SPOCK1: variants seen among roughly 807,000 people sequenced by gnomAD.
SPOCK1 encodes the protein SPARC (osteonectin), cwcv and kazal like domains proteoglycan 1, also known as testican-1.
SPOCK1 carries 23 observed loss-of-function variants against 55.3 expected under a neutral mutation model. The observed-to-expected ratio is 0.42, with a 90% confidence interval of 0.30 to 0.59. The LOEUF (loss-of-function observed/expected upper bound fraction) is 0.59. Ranked by LOEUF, SPOCK1 falls within the 20% of genes least tolerant of loss-of-function variation. SPOCK1 has a pLI of 0.22. For missense variants in SPOCK1, 499 were observed against 552.5 expected (o/e 0.90, Z 0.97); for synonymous variants, 226 against 221.0 (o/e 1.02, Z -0.20).
chr5:137,207,240 C>A (rs1167902028), intron 3 of SPOCK1, among the ~76,000 whole-genome samples: 2 of 152,224 alleles, frequency 1.3e-5, no homozygotes, highest in African/African-American at 4.8e-5. Context: ...GCCAAGGTCA[C>A]TGACAACCCC....
chr5:137,093,542 A>T (rs1309036057), intron 5 of SPOCK1, among the ~76,000 whole-genome samples: 1 of 152,214 alleles, frequency 6.6e-6, no homozygotes, highest in Non-Finnish European at 1.5e-5. Flanking sequence ...GTGAAATAAG[A>T]GATTTCAGAT....
chr5:137,223,309 A>G (rs1561476440), intron 3 of SPOCK1, among the ~76,000 whole-genome samples: 2 of 73,690 alleles, frequency 2.7e-5, no homozygotes, highest in African/African-American at 7.3e-5. Flanking sequence ...CTATAACATG[A>G]AAAAAAAAAA....
chr5:137,299,341 C>T (rs764370399), intron 2 of SPOCK1, among the ~76,000 whole-genome samples: 7 of 151,934 alleles, frequency 4.6e-5, no homozygotes, highest in South Asian at 2.1e-4. Flanking sequence ...TGGGTTTATA[C>T]GCTATACCCC....
intron 2 of SPOCK1, among the ~76,000 whole-genome samples, chr5:137,497,615 T>G (rs1271734364): frequency 6.6e-6 from 1 of 151,896 alleles, no homozygotes; most frequent in Non-Finnish European, 1.5e-5. Context: ...ACCTGGGGAG[T>G]GGCAGCCAGC....
chr5:137,354,123 T>A (rs1750739842), intron 2 of SPOCK1, among the ~76,000 whole-genome samples: 1 of 152,082 alleles, frequency 6.6e-6, no homozygotes, highest in South Asian at 2.1e-4. Context: ...ACTACCGCTA[T>A]CCCCACACTC....
chr5:137,246,646 A>G (rs1403165855), intron 3 of SPOCK1, among the ~76,000 whole-genome samples: 1 of 152,164 alleles, frequency 6.6e-6, no homozygotes, highest in Non-Finnish European at 1.5e-5. Flanking sequence ...TGACAGGGGT[A>G]AGGACAGTGT....
intron 3 of SPOCK1, among the ~76,000 whole-genome samples, chr5:137,208,391 C>T (rs1755554449): frequency 6.6e-6 from 1 of 152,266 alleles, no homozygotes; most frequent in Non-Finnish European, 1.5e-5. Context: ...GGCCACACAA[C>T]TCATAGATGG....
intron 2 of SPOCK1, among the ~76,000 whole-genome samples, chr5:137,315,949 C>A (rs149127595): frequency 6.6e-6 from 1 of 152,176 alleles, no homozygotes; most frequent in Admixed American, 6.5e-5. Context: ...GCCAAGGCCA[C>A]TGGAAAGCAG....
chr5:136,983,794 A>G (rs1750783752), intron 9 of SPOCK1, among the ~76,000 whole-genome samples: 1 of 151,926 alleles, frequency 6.6e-6, no homozygotes, highest in South Asian at 2.1e-4. Context: ...TTTCTGAGTC[A>G]GCTGGAGTAA....
chr5:137,096,734 T>A (rs1424058444), intron 5 of SPOCK1, among the ~76,000 whole-genome samples: 6 of 152,040 alleles, frequency 3.9e-5, no homozygotes, highest in African/African-American at 1.2e-4. Context: ...AGTATCTTTT[T>A]AAAAAAATTT....
At chr5:137,012,957 C>T (rs377321587) in intron 6 of SPOCK1, among the ~76,000 whole-genome samples, 1 of 151,982 alleles carries the variant, frequency 6.6e-6, no homozygotes, top group East Asian at 1.9e-4. Flanking sequence ...GTTTATGATA[C>T]ATTAAGTGAA....
At chr5:137,157,969 G>A (rs765938266) in intron 3 of SPOCK1, among the ~76,000 whole-genome samples, 5 of 152,162 alleles carry the variant, frequency 3.3e-5, no homozygotes, top group Non-Finnish European at 4.4e-5. Context: ...GGCTGAGGCC[G>A]GAGAATCACT....
chr5:136,991,608 ATG>A (rs1191063974), intron 7 of SPOCK1, among the ~76,000 whole-genome samples: 1 of 152,212 alleles, frequency 6.6e-6, no homozygotes, highest in Non-Finnish European at 1.5e-5. Flanking sequence ...GTTTTAAATG[ATG>A]TGTTTTTATA....
chr5:137,434,728 C>G (rs1159710140), intron 2 of SPOCK1, among the ~76,000 whole-genome samples: 2 of 151,764 alleles, frequency 1.3e-5, no homozygotes, highest in East Asian at 3.9e-4. Flanking sequence ...GTCTCAATCT[C>G]CTGACCTCGT....
intron 2 of SPOCK1, among the ~76,000 whole-genome samples, chr5:137,414,778 A>T (rs1484230220): frequency 6.6e-6 from 1 of 152,194 alleles, no homozygotes; most frequent in East Asian, 1.9e-4. Context: ...ATTTTCCAAG[A>T]CTTTATATTT....
At chr5:137,250,782 T>A (rs1378262834) in intron 3 of SPOCK1, among the ~76,000 whole-genome samples, 3 of 152,206 alleles carry the variant, frequency 2.0e-5, no homozygotes, top group Non-Finnish European at 4.4e-5. Context: ...TATTTACTAG[T>A]CCACGAAGAT....
chr5:136,988,870 C>A, intron 7 of SPOCK1: 1 of 437,624 alleles, frequency 2.3e-6, no homozygotes, highest in East Asian at 3.4e-5. Context: ...AAAATATGTT[C>A]TAAAGGGGAA....
At chr5:137,203,110 C>G (rs1208873709) in intron 3 of SPOCK1, among the ~76,000 whole-genome samples, 1 of 152,204 alleles carries the variant, frequency 6.6e-6, no homozygotes, top group Non-Finnish European at 1.5e-5. Context: ...CTTAATGAAA[C>G]TTCATTTAGG....
chr5:137,449,886 CAAAAAAAAAAAAAAAAAAAAAAA>C (rs562723108), intron 2 of SPOCK1, among the ~76,000 whole-genome samples: 1 of 52,908 alleles, frequency 1.9e-5, no homozygotes, highest in Non-Finnish European at 3.2e-5. Flanking sequence ...GATGCTGTCT[CAAAAAAAAAAAAAAAAAAAAAAA>C]AAAAAAAAGA....
Sources: gnomAD v4.1 joint callset for allele counts (sites outside exome capture counted in the v4.1 genomes callset) on GRCh38, gnomAD v4.1.1 for gene constraint, MANE v1.5 for transcripts, NCBI Gene and HGNC (gene_info 2026-07-23, HGNC 2026-07-21) for gene names.